ROBO2: variants seen among roughly 807,000 people sequenced by gnomAD.
ROBO2 encodes the protein roundabout homolog 2.
ROBO2 carries 53 observed loss-of-function variants against 160.8 expected under a neutral mutation model. The observed-to-expected ratio is 0.33, with a 90% CI of 0.26 to 0.41. The LOEUF (loss-of-function observed/expected upper bound fraction) is 0.41, where lower values mean the gene tolerates loss of function less well. Ranked by LOEUF, ROBO2 falls within the 10% of genes least tolerant of loss-of-function variation. The pLI is 1.00. For synonymous variants in ROBO2, 664 were observed against 611.7 expected, an observed-to-expected ratio of 1.09 and a Z score of -1.26; for missense variants, 1,577 against 1,722.4, an observed-to-expected ratio of 0.92 and a Z score of 1.49.
At chr3:76,958,907 ACT>A (rs1371530207) in intron 2 of ROBO2, among the ~76,000 whole-genome samples, 5 of 152,082 alleles carry the variant, frequency 3.3e-5, no homozygotes, top group South Asian at 2.1e-4. Flanking sequence ...CGTAATTGAT[ACT>A]CTCTCTTTCT....
intron 6 of ROBO2, among the ~76,000 whole-genome samples, chr3:77,539,073 A>G (rs888846502): frequency 3.9e-5 from 6 of 152,056 alleles, no homozygotes; most frequent in African/African-American, 1.4e-4. Flanking sequence ...GCACCCTGCC[A>G]CGCCCAGCTA....
intron 2 of ROBO2, among the ~76,000 whole-genome samples, chr3:77,020,575 C>T (rs1232244744): frequency 6.6e-6 from 1 of 152,024 alleles, no homozygotes; most frequent in African/African-American, 2.4e-5. Context: ...TGGAAGTGAC[C>T]TAAATGTCCA....
intron 2 of ROBO2, among the ~76,000 whole-genome samples, chr3:76,689,976 C>G (rs1035981454): frequency 1.3e-5 from 2 of 152,058 alleles, no homozygotes; most frequent in African/African-American, 4.8e-5. Context: ...TTAACCTGGT[C>G]GTTGAAATTG....
intron 2 of ROBO2, among the ~76,000 whole-genome samples, chr3:76,449,100 T>A (rs961318399): frequency 6.6e-6 from 1 of 152,190 alleles, no homozygotes; most frequent in African/African-American, 2.4e-5. Flanking sequence ...TTTCCATTCA[T>A]GTAATGGAAC....
upstream of ROBO2, among the ~76,000 whole-genome samples, chr3:77,037,237 A>T (rs145736687): frequency 1.4e-3 from 206 of 152,312 alleles, 8 homozygotes; most frequent in East Asian, 0.037. Context: ...ATCAAATGAG[A>T]CACTGACAGA....
At chr3:76,083,874 G>A (rs1227931001) in intron 2 of ROBO2, among the ~76,000 whole-genome samples, 2 of 152,078 alleles carry the variant, frequency 1.3e-5, no homozygotes, top group African/African-American at 2.4e-5. Context: ...AACGATGATG[G>A]CAATATGATG....
chr3:77,395,434 G>A lies in ROBO2; in HGVS notation c.389-81980G>A, dbSNP rs1048181140. On this transcript the variant is annotated intron_variant, in intron 2 of 25. Coordinates refer to ENST00000461745, the Ensembl canonical transcript of ROBO2. ...GAGATTTATGCTTTAGGAGAGCAGT[G>A]AAATTAGAAGGAGTCAGAATATGAT... Among the ~76,000 whole-genome samples the A allele has an allele frequency of 3.3e-5, 5 of 152,126 alleles. No individual in the cohort carries two copies. The East Asian group carries it at 9.6e-4, about 29-fold the overall frequency.
intron 2 of ROBO2, among the ~76,000 whole-genome samples, chr3:76,699,107 C>G (rs1185778060): frequency 1.3e-5 from 2 of 152,072 alleles, no homozygotes. Context: ...ATTTTCTAGT[C>G]TGCCAATTTG....
intron 2 of ROBO2, among the ~76,000 whole-genome samples, chr3:77,351,833 G>T (rs1163615273): frequency 6.6e-6 from 1 of 150,736 alleles, no homozygotes; most frequent in Non-Finnish European, 1.5e-5. Flanking sequence ...AGGTTTTTTT[G>T]TCCTTGCGAT....
intron 2 of ROBO2, among the ~76,000 whole-genome samples, chr3:77,390,476 T>G (rs1288898747): frequency 6.6e-6 from 1 of 152,004 alleles, no homozygotes; most frequent in East Asian, 1.9e-4. Flanking sequence ...TCTGATGAGA[T>G]CTGATGGGTT....
chr3:76,414,622 G>T (rs1254922032), intron 2 of ROBO2, among the ~76,000 whole-genome samples: 2 of 121,612 alleles, frequency 1.6e-5, no homozygotes, highest in Admixed American at 1.7e-4. Context: ...GTGGTGGGGA[G>T]GGGGGAGGGG....
At chr3:76,382,822 A>C (rs2076703677) in intron 2 of ROBO2, among the ~76,000 whole-genome samples, 1 of 152,222 alleles carries the variant, frequency 6.6e-6, no homozygotes, top group African/African-American at 2.4e-5. Context: ...TACATGACTG[A>C]AAAAGGCCAA....
chr3:76,097,427 A>C (rs2069499475), intron 2 of ROBO2, among the ~76,000 whole-genome samples: 1 of 152,172 alleles, frequency 6.6e-6, no homozygotes, highest in African/African-American at 2.4e-5. Context: ...TGGTTCATTA[A>C]TATCCTTCTG....
chr3:77,577,395 C>T, intron 14 of ROBO2, 95 bp from the exon 16 acceptor site: 1 of 1,529,658 alleles, frequency 6.5e-7, no homozygotes, highest in Non-Finnish European at 9.0e-7. Context: ...AAGCCAGAGT[C>T]TCCTGCAACT....
At chr3:76,628,040 G>GGTACT (rs3067745) in intron 2 of ROBO2, among the ~76,000 whole-genome samples, 95,038 of 151,380 alleles carry the variant, frequency 0.63, 30,075 homozygotes, top group East Asian at 0.73. Context: ...AAGGAAAAAA[G>GGTACT]GTATATTAGG....
chr3:76,326,078 T>C (rs1265578246), intron 2 of ROBO2, among the ~76,000 whole-genome samples: 1 of 152,198 alleles, frequency 6.6e-6, no homozygotes, highest in Non-Finnish European at 1.5e-5. Flanking sequence ...TTTTTGATGA[T>C]GCTAAATATT....
At chr3:76,540,415 T>A (rs1446464993) in intron 2 of ROBO2, among the ~76,000 whole-genome samples, 2 of 152,226 alleles carry the variant, frequency 1.3e-5, no homozygotes, top group African/African-American at 2.4e-5. Context: ...ATGGTCTAAC[T>A]GACTGACACT....
intron 21 of ROBO2, among the ~76,000 whole-genome samples, chr3:77,609,100 A>T (rs1213557747): frequency 6.6e-6 from 1 of 151,824 alleles, no homozygotes; most frequent in Non-Finnish European, 1.5e-5. Context: ...ATATATGTAT[A>T]CACACATACG....
chr3:76,149,333 G>A (rs903125514), intron 2 of ROBO2, among the ~76,000 whole-genome samples: 6 of 151,994 alleles, frequency 3.9e-5, no homozygotes, highest in South Asian at 2.1e-4. Flanking sequence ...ACACAAGACC[G>A]GTTAGCTTTG....
Sources: allele counts gnomAD v4.1 joint callset (sites outside exome capture counted in the v4.1 genomes callset), GRCh38; gene constraint gnomAD v4.1.1; transcripts MANE v1.5; gene names NCBI Gene and HGNC (gene_info 2026-07-23, HGNC 2026-07-21).